Variants in TENM1 observed in about 807,000 individuals in gnomAD.
TENM1 encodes teneurin transmembrane protein 1, also known as teneurin-1.
Under a neutral mutation model 174.8 loss-of-function variants are expected in TENM1, and 35 were observed. The ratio of observed to expected loss-of-function variants is 0.20; its 90% CI spans 0.15 to 0.27. The LOEUF (loss-of-function observed/expected upper bound fraction) is 0.27. TENM1 is among the 10% of genes least tolerant of loss of function. The pLI is 1.00. For synonymous variants in TENM1, 781 were observed against 798.7 expected, an observed-to-expected ratio of 0.98 and a Z score of 0.37; for missense variants, 1,633 against 2,130.1, an observed-to-expected ratio of 0.77 and a Z score of 4.59.
chrX:124,891,206 T>G (rs2057470369), intron 3 of TENM1, among the ~76,000 whole-genome samples: 1 of 110,950 alleles, frequency 9.0e-6, no homozygotes, highest in Non-Finnish European at 1.9e-5. Flanking sequence ...AAAAATATAG[T>G]AAGATAGAAT....
intron 11 of TENM1, among the ~76,000 whole-genome samples, chrX:124,630,895 G>A (rs941567925): frequency 1.8e-5 from 2 of 111,970 alleles, no homozygotes; most frequent in African/African-American, 6.5e-5. Context: ...TTTAGGGTTC[G>A]TATTTGTACT....
chrX:124,736,173 CTA>C (rs1297688686), intron 4 of TENM1, among the ~76,000 whole-genome samples: 1 of 112,088 alleles, frequency 8.9e-6, no homozygotes, highest in African/African-American at 3.2e-5. Flanking sequence ...AAAATAGAAT[CTA>C]TGTTTTATTA....
intron 4 of TENM1, among the ~76,000 whole-genome samples, chrX:124,721,919 GCACA>G (rs1279854919): frequency 1.8e-5 from 2 of 112,022 alleles, no homozygotes; most frequent in Admixed American, 9.4e-5. Flanking sequence ...CTATATGCAC[GCACA>G]CAAACATACA....
intron 6 of TENM1, among the ~76,000 whole-genome samples, chrX:124,666,087 A>T (rs2148424142): frequency 9.0e-6 from 1 of 111,671 alleles, no homozygotes; most frequent in African/African-American, 3.3e-5. Context: ...TTTTGTTTAC[A>T]TGGTCATATA....
intron 11 of TENM1, among the ~76,000 whole-genome samples, chrX:124,584,296 T>C (rs1199262596): frequency 3.6e-5 from 4 of 109,674 alleles, no homozygotes; most frequent in Non-Finnish European, 5.7e-5. Flanking sequence ...AAAGGTCGGG[T>C]TACCCACAAA....
chrX:124,790,269 T>C (rs1228532809), intron 3 of TENM1, among the ~76,000 whole-genome samples: 1 of 112,156 alleles, frequency 8.9e-6, no homozygotes. Flanking sequence ...AGTCAAACCA[T>C]ATTAAGCACT....
At chrX:125,045,231 C>T in the TENM1 span, among the ~76,000 whole-genome samples, 17,931 of 110,902 alleles carry the variant, frequency 0.16, 1,653 homozygotes, top group African/African-American at 0.35. Context: ...AGGTCTGTCT[C>T]TTGACACGTG....
chrX:124,932,010 G>T (rs746635150), intron 1 of TENM1, among the ~76,000 whole-genome samples: 2 of 111,707 alleles, frequency 1.8e-5, no homozygotes, highest in African/African-American at 6.5e-5. Flanking sequence ...CCACAAAGCG[G>T]CTACCTGGTC....
intron 10 of TENM1, 43 bp from the exon 14 acceptor site, chrX:124,642,034 A>T (rs748213811): frequency 3.0e-6 from 3 of 1,001,963 alleles, no homozygotes; most frequent in Admixed American, 4.4e-5. Flanking sequence ...ATTAATAGTG[A>T]ACAGGTATGG....
At chrX:124,653,768 C>T (rs916137108) in exon 7 of TENM1, 5 of 1,207,172 alleles carry the variant, frequency 4.1e-6, no homozygotes, top group South Asian at 3.6e-5. Context: ...GTCTATCGCC[C>T]GTCCCTTCTG....
the TENM1 span, among the ~76,000 whole-genome samples, chrX:125,021,216 CAAT>C: frequency 1.0e-5 from 1 of 97,354 alleles, no homozygotes; most frequent in African/African-American, 3.6e-5. Context: ...GAATTAAAGA[CAAT>C]TTTTTTTTTT....
At chrX:124,743,647 C>T (rs1035292112) in intron 3 of TENM1, among the ~76,000 whole-genome samples, 51 of 111,607 alleles carry the variant, frequency 4.6e-4, no homozygotes, top group Admixed American at 3.3e-3. Flanking sequence ...TACTGTTTTT[C>T]GGATTGTCAA....
rs745612932 is a variant in TENM1 at position 124,382,346 on chromosome X, C to T, written c.7440+324G>A. On this transcript the variant is annotated intron_variant, in intron 31 of 31. Coordinates refer to ENST00000422452, the Ensembl canonical transcript of TENM1. ...AATCTGATGTTTTCGTGTCTCTTACCGAACAATTTTCTCTAGGTAGAATCC... is the reference window on the plus strand; with the variant it reads ...AATCTGATGTTTTCGTGTCTCTTACTGAACAATTTTCTCTAGGTAGAATCC... 3.6e-5 allele frequency among the ~76,000 whole-genome samples: 4 copies of T among 111,270 alleles called. No homozygotes were observed. In the East Asian group the frequency reaches 1.1e-3, roughly 31 times the overall value.
intron 4 of TENM1, among the ~76,000 whole-genome samples, chrX:124,715,822 T>C (rs7053737): frequency 0.12 from 12,753 of 110,053 alleles, 686 homozygotes; most frequent in African/African-American, 0.2. Flanking sequence ...CCTGGTTTAT[T>C]TTATGAGCCA....
At chrX:124,715,081 G>C (rs73634536) in intron 4 of TENM1, among the ~76,000 whole-genome samples, 1,167 of 112,362 alleles carry the variant, frequency 0.01, 9 homozygotes, top group African/African-American at 0.035. Flanking sequence ...TATTTACTTA[G>C]ATAAGTAAGC....
intron 4 of TENM1, among the ~76,000 whole-genome samples, chrX:124,732,937 A>G (rs966003675): frequency 1.8e-5 from 2 of 111,827 alleles, no homozygotes; most frequent in African/African-American, 6.5e-5. Context: ...GGGGACTGAC[A>G]ACACATACAC....
At chrX:124,889,571 CCA>C (rs751961709) in intron 3 of TENM1, among the ~76,000 whole-genome samples, 22 of 110,617 alleles carry the variant, frequency 2.0e-4, no homozygotes, top group Non-Finnish European at 2.5e-4. Flanking sequence ...TGTGGTATAG[CCA>C]CACTCTTGCC....
chrX:125,102,246 T>C, the TENM1 span, among the ~76,000 whole-genome samples: 2 of 108,881 alleles, frequency 1.8e-5, no homozygotes, highest in Non-Finnish European at 3.8e-5. Flanking sequence ...TTTTTTTTTT[T>C]TCCAGGAACA....
At chrX:124,897,514 TG>T (rs1481211907) in intron 1 of TENM1, among the ~76,000 whole-genome samples, 1 of 111,997 alleles carries the variant, frequency 8.9e-6, no homozygotes, top group African/African-American at 3.2e-5. Flanking sequence ...AAGCAGAATA[TG>T]AATATATTTT....
Sources: gnomAD v4.1 joint callset for allele counts (sites outside exome capture counted in the v4.1 genomes callset) on GRCh38, gnomAD v4.1.1 for gene constraint, MANE v1.5 for transcripts, NCBI Gene and HGNC (gene_info 2026-07-23, HGNC 2026-07-21) for gene names.